Variants in EPHA5 observed in about 807,000 individuals in gnomAD.
The protein encoded by EPHA5 is ephrin type-A receptor 5.
EPHA5 carries 60 observed loss-of-function variants against 105.0 expected under a neutral mutation model. The ratio of observed to expected loss-of-function variants is 0.57; its 90% confidence interval spans 0.46 to 0.71. The LOEUF (loss-of-function observed/expected upper bound fraction) is 0.71, where lower values mean the gene tolerates loss of function less well. Among genes scored for constraint, EPHA5 ranks in the 30% least tolerant of loss-of-function variants. The pLI is 0.00. For synonymous variants in EPHA5, 513 were observed against 449.1 expected (o/e 1.14, Z -1.80); for missense variants, 1,218 against 1,274.7 (o/e 0.96, Z 0.68).
chr4:65,423,988 T>G (rs1578084863), intron 5 of EPHA5, among the ~76,000 whole-genome samples: 1 of 152,022 alleles, frequency 6.6e-6, no homozygotes, highest in African/African-American at 2.4e-5. Flanking sequence ...TATATACTGA[T>G]GTTGCGAACT....
At chr4:65,479,039 T>C (rs1472323371) in intron 5 of EPHA5, among the ~76,000 whole-genome samples, 1 of 152,176 alleles carries the variant, frequency 6.6e-6, no homozygotes. Context: ...TCTGTCTATA[T>C]AATATTCATG....
chr4:65,663,642 TA>T (rs1267998298), intron 1 of EPHA5, among the ~76,000 whole-genome samples: 3 of 152,066 alleles, frequency 2.0e-5, no homozygotes, highest in African/African-American at 7.2e-5. Context: ...ATGCGATTTT[TA>T]AAATCTGATT....
At chr4:65,422,875 T>C (rs926006906) in intron 5 of EPHA5, among the ~76,000 whole-genome samples, 1 of 152,086 alleles carries the variant, frequency 6.6e-6, no homozygotes, top group Non-Finnish European at 1.5e-5. Flanking sequence ...TGTCGCCTAT[T>C]AGAAATATAT....
At chr4:65,600,278 C>T (rs1269206419) in intron 3 of EPHA5, among the ~76,000 whole-genome samples, 2 of 151,958 alleles carry the variant, frequency 1.3e-5, no homozygotes, top group Non-Finnish European at 2.9e-5. Flanking sequence ...TGATTCTTTT[C>T]CCCAATAAGC....
intron 5 of EPHA5, among the ~76,000 whole-genome samples, chr4:65,457,189 A>G (rs189840876): frequency 2.6e-5 from 4 of 152,292 alleles, no homozygotes; most frequent in Admixed American, 2.6e-4. Context: ...CTGCACAGGA[A>G]GAGACTGCAT....
chr4:65,535,954 T>C (rs1453610532), intron 3 of EPHA5, among the ~76,000 whole-genome samples: 1 of 151,964 alleles, frequency 6.6e-6, no homozygotes, highest in Non-Finnish European at 1.5e-5. Flanking sequence ...TAAAAGAAAA[T>C]CTATTTTGTC....
chr4:65,597,497 A>T (rs1378457235), intron 3 of EPHA5, among the ~76,000 whole-genome samples: 1 of 152,170 alleles, frequency 6.6e-6, no homozygotes, highest in Non-Finnish European at 1.5e-5. Context: ...AGGGGAAAAA[A>T]ATAGCATGAA....
At chr4:65,367,094 T>C (rs1717981652) in intron 9 of EPHA5, among the ~76,000 whole-genome samples, 1 of 151,882 alleles carries the variant, frequency 6.6e-6, no homozygotes, top group Admixed American at 6.6e-5. Context: ...AATAGTTCTT[T>C]ATATTAAGCA....
chr4:65,449,401 A>G (rs1422916800), intron 5 of EPHA5, among the ~76,000 whole-genome samples: 1 of 152,188 alleles, frequency 6.6e-6, no homozygotes, highest in Non-Finnish European at 1.5e-5. Context: ...CTTTGGTGGG[A>G]AACTTGAAAA....
intron 2 of EPHA5, among the ~76,000 whole-genome samples, chr4:65,604,319 G>A (rs185093058): frequency 3.9e-4 from 60 of 152,280 alleles, no homozygotes; most frequent in African/African-American, 1.4e-3. Context: ...TACTGCTTCA[G>A]GTGATAATTT....
chr4:65,519,407 C>A (rs1040976526), intron 3 of EPHA5, among the ~76,000 whole-genome samples: 4 of 151,862 alleles, frequency 2.6e-5, no homozygotes, highest in African/African-American at 9.7e-5. Context: ...TATGATAAAC[C>A]CACAGCCAAT....
At chr4:65,436,137 CTT>C (rs1578113485) in intron 5 of EPHA5, among the ~76,000 whole-genome samples, 1 of 151,990 alleles carries the variant, frequency 6.6e-6, no homozygotes, top group East Asian at 1.9e-4. Flanking sequence ...CTTAATTTGA[CTT>C]ATATTTGTAG....
intron 3 of EPHA5, among the ~76,000 whole-genome samples, chr4:65,576,913 C>A (rs961697633): frequency 6.6e-6 from 1 of 152,094 alleles, no homozygotes; most frequent in Non-Finnish European, 1.5e-5. Context: ...TCCCTTGGTA[C>A]CTCTTTCCAT....
Position 65,581,096 on chromosome 4 carries a change from C to A in EPHA5, c.910+20545G>T, listed in dbSNP as rs534598676. Among the ~76,000 whole-genome samples the A allele has an allele frequency of 4.6e-5, 7 of 151,800 alleles. No individual in the cohort carries two copies. In the South Asian group the frequency reaches 1.4e-3, roughly 31 times the overall value. ...AGGAAAAGGTAAACCAACCAATTAG[C>A]CTTTATCTATCGTTTGTTCTCCCAT... On this transcript the variant is annotated intron_variant, in intron 3 of 16. Coordinates refer to ENST00000613740, the MANE Select transcript of EPHA5 (RefSeq NM_001281766.3).
intron 3 of EPHA5, among the ~76,000 whole-genome samples, chr4:65,531,959 T>A (rs1735847303): frequency 6.6e-6 from 1 of 152,240 alleles, no homozygotes; most frequent in South Asian, 2.1e-4. Context: ...GCCATGTGTA[T>A]ACGAGGCTTA....
chr4:65,616,990 C>A (rs1021695540), intron 2 of EPHA5, among the ~76,000 whole-genome samples: 4 of 151,944 alleles, frequency 2.6e-5, no homozygotes, highest in Non-Finnish European at 5.9e-5. Flanking sequence ...TATAGAAAAG[C>A]GATACAGTAA....
chr4:65,347,525 A>G (rs1334886232), intron 14 of EPHA5, among the ~76,000 whole-genome samples: 1 of 152,196 alleles, frequency 6.6e-6, no homozygotes, highest in Non-Finnish European at 1.5e-5. Context: ...TATTGTAAGT[A>G]TGAATTATTT....
At chr4:65,486,017 T>G (rs1402708355) in intron 5 of EPHA5, among the ~76,000 whole-genome samples, 2 of 152,096 alleles carry the variant, frequency 1.3e-5, no homozygotes, top group Non-Finnish European at 2.9e-5. Flanking sequence ...TCAGGAAACA[T>G]TAACCACCAG....
Position 65,367,384 on chromosome 4 carries a change from C to T in EPHA5, c.1834G>A (p.Glu612Lys), listed in dbSNP as rs778292709. The T allele has an allele frequency of 1.2e-6, 2 of 1,611,906 alleles. No homozygotes were observed. Among genetic ancestry groups the T allele is most frequent in the Admixed American group, 1.7e-5 (1 of 59,904 alleles). ...TGCCCATTATGAAAATGCATCTTTT[C>T]CTCTTCTGGATCTTGTTTTGCTTTG... ...YSKAKQDPEE[E>K]KMHFHNGHIK... The change falls in exon 9 of 17, where the codon GAA becomes AAA. Residue 612 changes from glutamate (E) to lysine (K), a missense_variant. This residue lies in a region of EPHA5 where 971 missense variants were observed against 1,013.5 expected (regional missense o/e 0.96). Coordinates refer to ENST00000613740, the MANE Select transcript of EPHA5 (RefSeq NM_001281766.3).
Sources: allele counts gnomAD v4.1 joint callset (sites outside exome capture counted in the v4.1 genomes callset), GRCh38; gene constraint gnomAD v4.1.1; regional missense constraint gnomAD v4.1.1; transcripts MANE v1.5; gene names NCBI Gene and HGNC (gene_info 2026-07-23, HGNC 2026-07-21).